The following PCGF3 variants were observed in gnomAD, a reference collection of about 807,000 sequenced individuals.
PCGF3 encodes polycomb group ring finger 3.
In PCGF3, 7 loss-of-function variants were observed where a neutral mutation model predicts 33.1. That is an observed-to-expected ratio of 0.21 (90% confidence interval 0.12 to 0.40). The LOEUF (loss-of-function observed/expected upper bound fraction) is 0.40, where lower values mean the gene tolerates loss of function less well. PCGF3 is among the 10% of genes least tolerant of loss of function. PCGF3 has a pLI of 1.00. For missense variants in PCGF3, 211 were observed against 313.3 expected (o/e 0.67, Z 2.46); for synonymous variants, 153 against 121.3 (o/e 1.26, Z -1.72).
At chr4:755,052 C>T (rs150949538) in intron 8 of PCGF3, among the ~76,000 whole-genome samples, 5 of 152,240 alleles carry the variant, frequency 3.3e-5, no homozygotes, top group African/African-American at 4.8e-5. Context: ...GCAGTGCCCT[C>T]TTTACAATCA....
At chr4:747,692 T>G (rs1303578477) in intron 8 of PCGF3, among the ~76,000 whole-genome samples, 1 of 151,334 alleles carries the variant, frequency 6.6e-6, no homozygotes, top group East Asian at 2.0e-4. Context: ...GTGCTCGCCG[T>G]GGAGGCGTGA....
exon 4 of PCGF3, chr4:733,731 C>T (rs376965583): frequency 6.2e-7 from 1 of 1,612,156 alleles, no homozygotes; most frequent in Non-Finnish European, 8.5e-7. Context: ...ACATCACCTG[C>T]CGCCTGTGCA....
At chr4:728,925 C>A (rs1743437015) in intron 1 of PCGF3, among the ~76,000 whole-genome samples, 1 of 151,752 alleles carries the variant, frequency 6.6e-6, no homozygotes, top group Non-Finnish European at 1.5e-5. Flanking sequence ...CATGGTGAAA[C>A]CCCATCTCTA....
intron 1 of PCGF3, among the ~76,000 whole-genome samples, chr4:708,617 C>T (rs573672446): frequency 1.1e-4 from 17 of 152,348 alleles, no homozygotes; most frequent in African/African-American, 3.8e-4. Flanking sequence ...TGGCACTGCA[C>T]CCTCCCACTC....
chr4:742,871 C>CT (rs1744154226), intron 6 of PCGF3, among the ~76,000 whole-genome samples: 2 of 152,350 alleles, frequency 1.3e-5, no homozygotes, highest in African/African-American at 4.8e-5. Context: ...GCAGCCCTCC[C>CT]TGCAGGCTGT....
At chr4:711,443 C>CTTTTTTTTTTTT (rs201359627) in intron 1 of PCGF3, among the ~76,000 whole-genome samples, 1 of 122,938 alleles carries the variant, frequency 8.1e-6, no homozygotes. Flanking sequence ...TGTAATTTTT[C>CTTTTTTTTTTTT]TTTTTTTTTT....
chr4:737,831 C>G (rs1348989299), intron 6 of PCGF3, among the ~76,000 whole-genome samples: 1 of 152,260 alleles, frequency 6.6e-6, no homozygotes, highest in Non-Finnish European at 1.5e-5. Context: ...TCCTGGGCCC[C>G]ACCTCCTGTC....
chr4:743,825 G>A, intron 7 of PCGF3: 1 of 416,692 alleles, frequency 2.4e-6, no homozygotes, highest in African/African-American at 2.0e-5. Flanking sequence ...AGAGTGTCTG[G>A]GGGGCAGAGG....
intron 9 of PCGF3, 191 bp downstream of exon 9, chr4:761,607 G>C (rs1243324519): frequency 2.1e-6 from 2 of 959,438 alleles, no homozygotes; most frequent in African/African-American, 1.8e-5. Flanking sequence ...GATGCCCAGA[G>C]ACAGGGAACG....
chr4:758,681 C>T (rs1350705894), intron 8 of PCGF3, among the ~76,000 whole-genome samples: 13 of 86,418 alleles, frequency 1.5e-4, no homozygotes, highest in African/African-American at 5.2e-4. Context: ...TTTCTCCCCG[C>T]GCGGCCCCTC....
chr4:728,312 C>T (rs1743411537), intron 1 of PCGF3, among the ~76,000 whole-genome samples: 1 of 151,982 alleles, frequency 6.6e-6, no homozygotes, highest in Non-Finnish European at 1.5e-5. Flanking sequence ...ATAGTGTTTA[C>T]AGCATGTTAA....
At chr4:714,294 A>G (rs932844258) in intron 1 of PCGF3, among the ~76,000 whole-genome samples, 11 of 152,176 alleles carry the variant, frequency 7.2e-5, no homozygotes, top group Middle Eastern at 3.4e-3. Flanking sequence ...CCAGGACGGC[A>G]CCCTCTACTG....
intron 5 of PCGF3, among the ~76,000 whole-genome samples, chr4:736,172 C>T (rs1221644060): frequency 1.3e-5 from 2 of 152,042 alleles, no homozygotes; most frequent in Admixed American, 6.6e-5. Context: ...CTCAGCCTCC[C>T]GAGTAGCTGG....
At chr4:714,055 T>C (rs1374251159) in intron 1 of PCGF3, among the ~76,000 whole-genome samples, 3 of 152,112 alleles carry the variant, frequency 2.0e-5, no homozygotes, top group African/African-American at 7.2e-5. Flanking sequence ...AAGGTGTCAG[T>C]GTCAGGCGTG....
intron 9 of PCGF3, among the ~76,000 whole-genome samples, chr4:764,242 C>G (rs551165779): frequency 2.0e-5 from 3 of 152,326 alleles, no homozygotes; most frequent in African/African-American, 4.8e-5. Context: ...CGGGAACTCC[C>G]TGTACCTTCC....
At chr4:710,237 G>C (rs956804683) in intron 1 of PCGF3, among the ~76,000 whole-genome samples, 1 of 152,220 alleles carries the variant, frequency 6.6e-6, no homozygotes, top group African/African-American at 2.4e-5. Flanking sequence ...GGCTGGACTG[G>C]GGAGGGTCCG....
chr4:725,786 G>A (rs920611692), intron 1 of PCGF3, among the ~76,000 whole-genome samples: 3 of 152,126 alleles, frequency 2.0e-5, no homozygotes, highest in Non-Finnish European at 4.4e-5. Context: ...GGGGAAACCC[G>A]AGTCGCTGCC....
intron 6 of PCGF3, 150 bp downstream of exon 6, chr4:737,671 C>T: frequency 1.6e-6 from 1 of 629,012 alleles, no homozygotes; most frequent in South Asian, 1.9e-5. Context: ...CCAACTTCAT[C>T]TCCTTGGCTG....
At chr4:760,937 C>A (rs1024946731) in intron 8 of PCGF3, among the ~76,000 whole-genome samples, 2 of 152,240 alleles carry the variant, frequency 1.3e-5, no homozygotes, top group Non-Finnish European at 2.9e-5. Context: ...GCCGCCCACT[C>A]CCCTTTGCGC....
Sources: gnomAD v4.1 joint callset for allele counts (sites outside exome capture counted in the v4.1 genomes callset) on GRCh38, gnomAD v4.1.1 for gene constraint, MANE v1.5 for transcripts, NCBI Gene and HGNC (gene_info 2026-07-23, HGNC 2026-07-21) for gene names.